The following SPG11 variants were observed in gnomAD, a reference collection of about 807,000 sequenced individuals.
The protein encoded by SPG11 is spatacsin.
Under a neutral mutation model 274.0 loss-of-function variants are expected in SPG11, and 222 were observed. The observed-to-expected ratio is 0.81, with a 90% CI of 0.73 to 0.91. SPG11 has a LOEUF of 0.91. Among genes scored for constraint, SPG11 ranks in the 40% least tolerant of loss-of-function variants. SPG11 has a pLI of 0.00. For synonymous variants in SPG11, 1,144 were observed against 1,039.7 expected, an observed-to-expected ratio of 1.10 and a Z score of -1.93; for missense variants, 3,114 against 2,872.7, an observed-to-expected ratio of 1.08 and a Z score of -1.92.
Position 44,597,568 on chromosome 15 carries a change from G to A in SPG11, c.4002-625C>T, listed in dbSNP as rs138496773. On this transcript the variant is annotated intron_variant, in intron 23 of 39. Transcript: ENST00000261866. Reference sequence around the variant, plus strand: ...GAAGTTGTCAGTCAAGAAACTTTCTGAGCACTTATTTCTCTTGCTCTATTC... The same window carrying A: ...GAAGTTGTCAGTCAAGAAACTTTCTAAGCACTTATTTCTCTTGCTCTATTC... Among the ~76,000 whole-genome samples, 636 of 152,272 alleles carry A rather than the reference G, an allele frequency of 4.2e-3. 4 individuals are homozygous for A. The highest frequency in any genetic ancestry group is 0.015 in the African/African-American group (615 of 41,550).
intron 20 of SPG11, among the ~76,000 whole-genome samples, chr15:44,601,828 C>T (rs1350415723): frequency 4.6e-5 from 7 of 152,070 alleles, no homozygotes; most frequent in East Asian, 1.9e-4. Flanking sequence ...CAAAGTGCTG[C>T]GATTACAGGC....
intron 31 of SPG11, 139 bp downstream of exon 31, chr15:44,574,763 G>A (rs1595829986): frequency 1.9e-6 from 2 of 1,070,002 alleles, no homozygotes; most frequent in Middle Eastern, 3.0e-4. Context: ...AAAATTATGA[G>A]GGCCAACATC....
intron 7 of SPG11, among the ~76,000 whole-genome samples, chr15:44,641,586 TAC>T (rs147901004): frequency 0.054 from 6,099 of 112,382 alleles, 179 homozygotes; most frequent in East Asian, 0.12. Context: ...CCAAATATCT[TAC>T]ACACACACAC....
intron 10 of SPG11, among the ~76,000 whole-genome samples, chr15:44,627,816 C>T (rs2141041438): frequency 6.6e-6 from 1 of 152,286 alleles, no homozygotes. Context: ...GTCTTGAACT[C>T]CTGACCTTGT....
chr15:44,633,366 AG>A, intron 8 of SPG11, 138 bp downstream of exon 8: 1 of 284,550 alleles, frequency 3.5e-6, no homozygotes, highest in Non-Finnish European at 6.4e-6. Context: ...AAAAAAAGAA[AG>A]TTTCCAAAAA....
chr15:44,653,632 G>A (rs544847267), intron 4 of SPG11, among the ~76,000 whole-genome samples: 1 of 152,170 alleles, frequency 6.6e-6, no homozygotes, highest in African/African-American at 2.4e-5. Flanking sequence ...AGTGACGACA[G>A]AAGAGTTGAG....
At chr15:44,657,623 G>A (rs1463840006) in intron 3 of SPG11, among the ~76,000 whole-genome samples, 1 of 152,098 alleles carries the variant, frequency 6.6e-6, no homozygotes, top group African/African-American at 2.4e-5. Context: ...TCTATCCAAA[G>A]TATTATCAAC....
At chr15:44,630,409 A>G (rs958372819) in intron 8 of SPG11, among the ~76,000 whole-genome samples, 4 of 152,200 alleles carry the variant, frequency 2.6e-5, no homozygotes, top group Admixed American at 6.5e-5. Flanking sequence ...ACCACCAAAC[A>G]ACAGAAGTGA....
At chr15:44,572,459 T>G (rs1268353358) in intron 33 of SPG11, 7 of 555,642 alleles carry the variant, frequency 1.3e-5, no homozygotes, top group Non-Finnish European at 2.2e-5. Context: ...GTATGTTGAG[T>G]AAAGGTTACC....
At chr15:44,626,195 T>A in intron 11 of SPG11, 136 bp downstream of exon 11, 1 of 743,134 alleles carries the variant, frequency 1.3e-6, no homozygotes, top group East Asian at 2.9e-5. Context: ...GTGTTATTAA[T>A]GTCATTATTT....
rs1361174893 is a variant in SPG11 at position 44,596,282 on chromosome 15, G to GAGGGCA, written c.4229_4234dup (p.Leu1410_Pro1411dup). 6.2e-7 allele frequency: 1 copy of GAGGGCA among 1,614,064 alleles called. No homozygotes were observed. The highest frequency in any genetic ancestry group is 1.3e-5 in the African/African-American group (1 of 74,912). ...GCTGTCCATTTTGGAGGTGGGCACT[G>GAGGGCA]AGGGCAAGTTCTCAAAAGCCAGCCT... On this transcript the variant is annotated inframe_insertion, in exon 25 of 40. Coordinates refer to ENST00000261866, the MANE Select transcript of SPG11 (RefSeq NM_025137.4).
chr15:44,589,205 A>G (rs755019225), intron 28 of SPG11, 47 bp downstream of exon 28: 2 of 1,601,444 alleles, frequency 1.2e-6, no homozygotes, highest in East Asian at 4.5e-5. Flanking sequence ...TTCAAGATTA[A>G]GAAAGCTAAC....
chr15:44,656,342 T>C (rs1382062656), intron 4 of SPG11, among the ~76,000 whole-genome samples: 2 of 152,204 alleles, frequency 1.3e-5, no homozygotes, highest in African/African-American at 4.8e-5. Context: ...GAAAAAAAGA[T>C]TTCAATCAGG....
chr15:44,612,013 G>A (rs777833661), intron 17 of SPG11, among the ~76,000 whole-genome samples: 2 of 151,986 alleles, frequency 1.3e-5, no homozygotes, highest in Non-Finnish European at 2.9e-5. Flanking sequence ...GTTTCCCCGT[G>A]TTAGCCAGGA....
At chr15:44,618,576 G>C (rs2083654358) in intron 15 of SPG11, among the ~76,000 whole-genome samples, 1 of 150,160 alleles carries the variant, frequency 6.7e-6, no homozygotes, top group African/African-American at 2.5e-5. Context: ...CCAGCACTTT[G>C]GGAGGCCGAG....
At chr15:44,650,865 G>A (rs984009574) in intron 6 of SPG11, among the ~76,000 whole-genome samples, 32 of 151,790 alleles carry the variant, frequency 2.1e-4, no homozygotes, top group Admixed American at 2.0e-3. Context: ...CTCCTGCCTC[G>A]GCCTCCCATG....
intron 17 of SPG11, among the ~76,000 whole-genome samples, chr15:44,612,622 C>T (rs2083490502): frequency 6.6e-6 from 1 of 152,090 alleles, no homozygotes; most frequent in East Asian, 1.9e-4. Context: ...GTCTTGAACT[C>T]CTATCCTCAA....
intron 36 of SPG11, among the ~76,000 whole-genome samples, chr15:44,566,963 A>G (rs1362585741): frequency 6.6e-6 from 1 of 151,210 alleles, no homozygotes; most frequent in East Asian, 2.0e-4. Context: ...TTGGCCTCCC[A>G]AAGTGCTAGG....
chr15:44,644,432 C>G (rs531085831), intron 7 of SPG11, among the ~76,000 whole-genome samples: 1 of 152,080 alleles, frequency 6.6e-6, no homozygotes, highest in Non-Finnish European at 1.5e-5. Context: ...CTCAAAATAT[C>G]AAGAGCCATT....
Sources: gnomAD v4.1 joint callset for allele counts (sites outside exome capture counted in the v4.1 genomes callset) on GRCh38, gnomAD v4.1.1 for gene constraint, MANE v1.5 for transcripts, NCBI Gene and HGNC (gene_info 2026-07-23, HGNC 2026-07-21) for gene names.